BCR: variants seen among roughly 807,000 people sequenced by gnomAD.
The protein encoded by BCR is BCR activator of RhoGEF and GTPase, also known as breakpoint cluster region protein.
In BCR, 58 loss-of-function variants were observed where a neutral mutation model predicts 138.6. The ratio of observed to expected loss-of-function variants is 0.42; its 90% CI spans 0.34 to 0.52. The LOEUF (loss-of-function observed/expected upper bound fraction) is 0.52, where lower values mean the gene tolerates loss of function less well. Ranked by LOEUF, BCR falls within the 20% of genes least tolerant of loss-of-function variation. BCR has a pLI of 0.06. For missense variants in BCR, 1,599 were observed against 1,727.2 expected, an observed-to-expected ratio of 0.93 and a Z score of 1.32; for synonymous variants, 786 against 730.1, an observed-to-expected ratio of 1.08 and a Z score of -1.23.
chr22:23,202,964 C>A (rs1761105211), intron 1 of BCR, among the ~76,000 whole-genome samples: 2 of 152,010 alleles, frequency 1.3e-5, no homozygotes, highest in Non-Finnish European at 2.9e-5. Context: ...CTCCTGTGAT[C>A]CTCCCACCTC....
At chr22:23,254,690 C>A (rs2146268599) in intron 2 of BCR, 1 of 465,750 alleles carries the variant, frequency 2.1e-6, no homozygotes, top group South Asian at 1.6e-5. Context: ...GCTGCTTCAG[C>A]AATGCTCTGG....
chr22:23,277,333 A>G (rs769078455), intron 8 of BCR, among the ~76,000 whole-genome samples: 7 of 152,148 alleles, frequency 4.6e-5, no homozygotes, highest in Non-Finnish European at 8.8e-5. Context: ...CTAAGCCAGG[A>G]TGCGAGTGAG....
At chr22:23,220,799 A>G (rs12157290) in intron 1 of BCR, among the ~76,000 whole-genome samples, 6,008 of 152,216 alleles carry the variant, frequency 0.039, 380 homozygotes, top group African/African-American at 0.13. Context: ...GGAATTGTTG[A>G]TGCATCAGAG....
chr22:23,273,096 C>T lies in BCR; in HGVS notation c.1937C>T (p.Pro646Leu). 1 of 1,613,704 alleles carries T rather than the reference C, an allele frequency of 6.2e-7. No individual in the cohort carries two copies. The highest frequency in any genetic ancestry group is 8.5e-7 in the Non-Finnish European group (1 of 1,179,822). ...CTCTCCACAGCTCTGCTCTACAAGC[C>T]TGTGGACCGTGTGACGAGGAGCACG... ...KNSLETLLYK[P>L]VDRVTRSTLV... Residue 646 changes from proline to leucine, a missense_variant, in exon 7 of 23, where the codon CCT becomes CTT. By Grantham distance (98) the Pro-to-Leu change is moderately conservative (BLOSUM62 -3). This residue lies in a region of BCR where 590 missense variants were observed against 762.4 expected (regional missense o/e 0.77). Coordinates refer to ENST00000305877, the MANE Select transcript of BCR (RefSeq NM_004327.4).
chr22:23,203,504 C>G (rs1415699812), intron 1 of BCR, among the ~76,000 whole-genome samples: 1 of 152,162 alleles, frequency 6.6e-6, no homozygotes, highest in Non-Finnish European at 1.5e-5. Context: ...TGCTTTGGGT[C>G]AGAGGAGTCT....
At chr22:23,273,535 C>A in intron 7 of BCR, 99 bp from the exon 8 acceptor site, 2 of 1,512,428 alleles carry the variant, frequency 1.3e-6, no homozygotes, top group South Asian at 1.2e-5. Flanking sequence ...AGGGAGCCGG[C>A]GCTCTGGGCT....
At chr22:23,277,363 C>T (rs149548666) in intron 8 of BCR, among the ~76,000 whole-genome samples, 81 of 152,344 alleles carry the variant, frequency 5.3e-4, no homozygotes, top group African/African-American at 1.9e-3. Context: ...CCCTGGCCGC[C>T]TGTGTGCCCC....
At chr22:23,213,825 C>G (rs545909523) in intron 1 of BCR, among the ~76,000 whole-genome samples, 3 of 149,438 alleles carry the variant, frequency 2.0e-5, no homozygotes, top group Non-Finnish European at 4.4e-5. Context: ...AGAGCAAGAC[C>G]CCTGTCTCTT....
chr22:23,251,702 C>T (rs2073230422), intron 1 of BCR, among the ~76,000 whole-genome samples: 1 of 152,242 alleles, frequency 6.6e-6, no homozygotes, highest in African/African-American at 2.4e-5. Flanking sequence ...TGAATGAACA[C>T]CAAGGTCACC....
chr22:23,273,046 G>A, intron 6 of BCR, 35 bp from the exon 7 acceptor site: 1 of 1,608,000 alleles, frequency 6.2e-7, no homozygotes, highest in Non-Finnish European at 8.5e-7. Flanking sequence ...GCTTCTCCAT[G>A]TGCAACCTCT....
rs2072269874 is a variant in BCR at position 23,181,849 on chromosome 22, C to T, written c.889C>T (p.Leu297=). ...MMEGEGKGPL[L]RSQSTSEQEK... ...GGAAGGGGAGGGCAAGGGCCCGCTC[C>T]TGCGCAGCCAGAGCACCTCTGAGCA... is the stretch of plus-strand genomic sequence containing the variant. Residue 297 remains leucine (L), a synonymous_variant, in exon 1 of 23, where the codon CTG becomes TTG. Coordinates refer to ENST00000305877, the MANE Select transcript of BCR (RefSeq NM_004327.4). 6.2e-7 allele frequency: 1 copy of T among 1,612,458 alleles called. No homozygotes were observed.
chr22:23,274,724 A>G (rs1391400206), intron 8 of BCR, among the ~76,000 whole-genome samples: 1 of 152,080 alleles, frequency 6.6e-6, no homozygotes, highest in Non-Finnish European at 1.5e-5. Flanking sequence ...CCTGGCCAAC[A>G]TGGTGAAACC....
intron 4 of BCR, among the ~76,000 whole-genome samples, chr22:23,265,299 C>CA (rs1236051442): frequency 5.9e-5 from 9 of 152,366 alleles, no homozygotes; most frequent in Admixed American, 3.3e-4. Context: ...GCTGAGTACT[C>CA]ACGTGTGTTC....
chr22:23,309,870 G>A (rs1050811892), intron 17 of BCR: 4 of 328,962 alleles, frequency 1.2e-5, no homozygotes, highest in Non-Finnish European at 2.3e-5. Context: ...ATGGTAAAAT[G>A]TTAATATTTG....
At chr22:23,292,820 C>A (rs1324565819) in intron 15 of BCR, among the ~76,000 whole-genome samples, 182 bp downstream of exon 15, 1 of 152,210 alleles carries the variant, frequency 6.6e-6, no homozygotes, top group Non-Finnish European at 1.5e-5. Flanking sequence ...TCTCCTTGTT[C>A]CTGAAAACCT....
intron 15 of BCR, 83 bp downstream of exon 15, chr22:23,292,721 G>GA: frequency 8.2e-7 from 1 of 1,218,046 alleles, no homozygotes; most frequent in Non-Finnish European, 1.2e-6. Context: ...AACCTTCAGG[G>GA]GCTCCCTGAG....
At chr22:23,229,445 A>G (rs1309560314) in intron 1 of BCR, among the ~76,000 whole-genome samples, 1 of 151,760 alleles carries the variant, frequency 6.6e-6, no homozygotes, top group Non-Finnish European at 1.5e-5. Flanking sequence ...GTGTAATATT[A>G]TGAGACTCCG....
chr22:23,312,803 G>A lies in BCR; in HGVS notation c.3323-84G>A, dbSNP rs891054651. The A allele has an allele frequency of 5.8e-6, 9 of 1,541,890 alleles. No individual in the cohort carries two copies. In the African/African-American group the frequency reaches 1.2e-4, roughly 21 times the overall value. On this transcript the variant is annotated intron_variant, in intron 19 of 22. Transcript: ENST00000305877. ...CCCGCACAGTGGTCAGCATGGCAGG[G>A]ACAGTGCTTTAGCCAAGGCAGGGAT...
At chr22:23,202,455 G>A (rs925239615) in intron 1 of BCR, among the ~76,000 whole-genome samples, 1 of 152,154 alleles carries the variant, frequency 6.6e-6, no homozygotes, top group East Asian at 1.9e-4. Flanking sequence ...TCCATCTCCA[G>A]AACTCTTTCC....
Sources: gnomAD v4.1 joint callset for allele counts (sites outside exome capture counted in the v4.1 genomes callset) on GRCh38, gnomAD v4.1.1 for gene constraint, gnomAD v4.1.1 regional missense constraint, MANE v1.5 for transcripts, NCBI Gene and HGNC (gene_info 2026-07-23, HGNC 2026-07-21) for gene names.